DLC1: variants seen among roughly 807,000 people sequenced by gnomAD.
DLC1 encodes the protein rho GTPase-activating protein 7.
A neutral mutation model predicts 140.3 loss-of-function variants in DLC1; 54 were observed. The ratio of observed to expected loss-of-function variants is 0.38; its 90% CI spans 0.31 to 0.48. DLC1 has a LOEUF of 0.48. Among genes scored for constraint, DLC1 ranks in the 20% least tolerant of loss-of-function variants. The pLI is 0.96. For synonymous variants in DLC1, 986 were observed against 728.1 expected (o/e 1.35, Z -5.70); for missense variants, 2,536 against 1,907.0 (o/e 1.33, Z -6.14).
At chr8:13,533,156 C>CA (rs910870346) in intron 1 of DLC1, among the ~76,000 whole-genome samples, 34 of 151,646 alleles carry the variant, frequency 2.2e-4, no homozygotes, top group African/African-American at 8.2e-4. Context: ...AACAAACAGT[C>CA]AAAAAAATTA....
intron 2 of DLC1, among the ~76,000 whole-genome samples, chr8:13,472,130 C>G (rs1203205665): frequency 1.3e-5 from 2 of 152,124 alleles, no homozygotes; most frequent in Non-Finnish European, 1.5e-5. Context: ...GCAATTTTCT[C>G]AAATAACAAG....
rs552843388 is a variant in DLC1, at chr8:13,602,277, TCAAA to T, written c.-126+2256_-126+2259del. Among the ~76,000 whole-genome samples, 610 of 151,926 alleles carry T rather than the reference TCAAA, an allele frequency of 4.0e-3. 1 individual carries two copies. The highest frequency in any genetic ancestry group is 0.014 in the African/African-American group (572 of 41,530). On this transcript the variant is annotated intron_variant, in intron 1 of 1. Transcript: ENST00000631382. ...GAAGAACTTTTAGACTAAAAGAATC[TCAAA>T]CAATCAATCAACTGCCATGTGTAGG...
At chr8:13,494,449 C>G (rs1801407463) in intron 2 of DLC1, among the ~76,000 whole-genome samples, 1 of 152,154 alleles carries the variant, frequency 6.6e-6, no homozygotes. Flanking sequence ...GCGATCACCC[C>G]TGTAGCCTTT....
chr8:13,578,325 A>T (rs1414740421), intron 1 of DLC1, among the ~76,000 whole-genome samples: 1 of 152,158 alleles, frequency 6.6e-6, no homozygotes, highest in African/African-American at 2.4e-5. Context: ...ATTCTGAAGG[A>T]AAAAACAAAC....
intron 2 of DLC1, among the ~76,000 whole-genome samples, chr8:13,449,300 G>T (rs1200259836): frequency 6.6e-5 from 10 of 152,120 alleles, no homozygotes; most frequent in Admixed American, 6.6e-4. Flanking sequence ...AGAAATGGAG[G>T]GAACATTTGT....
intron 1 of DLC1, among the ~76,000 whole-genome samples, chr8:13,537,648 C>CTT (rs3066420): frequency 0.014 from 1,284 of 90,234 alleles, 3 homozygotes; most frequent in Non-Finnish European, 0.018. Context: ...ACAGCTAACT[C>CTT]TTTTTTTTTT....
intron 2 of DLC1, among the ~76,000 whole-genome samples, chr8:13,489,190 G>C (rs1036672317): frequency 1.3e-5 from 2 of 151,882 alleles, no homozygotes; most frequent in African/African-American, 4.8e-5. Context: ...CAGGTGATCT[G>C]CCTGCTTTGG....
intron 5 of DLC1, among the ~76,000 whole-genome samples, chr8:13,235,211 T>C (rs1248528400): frequency 6.6e-6 from 1 of 152,094 alleles, no homozygotes; most frequent in African/African-American, 2.4e-5. Context: ...CTTTTACTTC[T>C]ATTTGGCAGG....
intron 2 of DLC1, among the ~76,000 whole-genome samples, chr8:13,408,047 A>T (rs567739726): frequency 6.6e-6 from 1 of 152,316 alleles, no homozygotes; most frequent in East Asian, 1.9e-4. Flanking sequence ...AGCTAACGAT[A>T]ATGTAATTAT....
chr8:13,097,505 C>A (rs1354989872), intron 10 of DLC1, among the ~76,000 whole-genome samples: 1 of 152,034 alleles, frequency 6.6e-6, no homozygotes, highest in East Asian at 1.9e-4. Context: ...GTCATGTGAT[C>A]CACCTATGTC....
chr8:13,231,108 G>T (rs1585965137), intron 5 of DLC1, among the ~76,000 whole-genome samples: 1 of 152,154 alleles, frequency 6.6e-6, no homozygotes, highest in Non-Finnish European at 1.5e-5. Flanking sequence ...AGTGGGGCCT[G>T]GTCTGTTGCA....
At chr8:13,478,472 T>C (rs931034714) in intron 2 of DLC1, among the ~76,000 whole-genome samples, 1 of 152,212 alleles carries the variant, frequency 6.6e-6, no homozygotes, top group Non-Finnish European at 1.5e-5. Flanking sequence ...ATTCTTCACC[T>C]TCTCTCCTGT....
intron 5 of DLC1, among the ~76,000 whole-genome samples, chr8:13,145,772 A>T (rs577882412): frequency 1.1e-3 from 161 of 152,358 alleles, no homozygotes; most frequent in Non-Finnish European, 1.9e-3. Flanking sequence ...CTAAAAATAA[A>T]GAGCTTACAT....
At chr8:13,309,479 G>A (rs534945469) in intron 4 of DLC1, among the ~76,000 whole-genome samples, 3 of 152,168 alleles carry the variant, frequency 2.0e-5, no homozygotes, top group East Asian at 1.9e-4. Context: ...TAATACAATC[G>A]AATTTTTAAA....
At chr8:13,419,297 T>A (rs981950723) in intron 2 of DLC1, among the ~76,000 whole-genome samples, 3 of 151,982 alleles carry the variant, frequency 2.0e-5, no homozygotes, top group African/African-American at 4.8e-5. Flanking sequence ...TGTGCCAGTT[T>A]TCAAAGGGAA....
At chr8:13,557,630 T>C (rs2117373177) in intron 1 of DLC1, 1 of 152,348 alleles carries the variant, frequency 6.6e-6, no homozygotes, top group Non-Finnish European at 1.5e-5. Flanking sequence ...GTTCTCGCAC[T>C]TACTTCCTCC....
chr8:13,443,184 T>G (rs1585116147), intron 2 of DLC1, among the ~76,000 whole-genome samples: 1 of 120,514 alleles, frequency 8.3e-6, no homozygotes, highest in South Asian at 2.6e-4. Flanking sequence ...AAGGGAAACA[T>G]CAGACACTGG....
chr8:13,344,417 C>T (rs545827288), intron 4 of DLC1, among the ~76,000 whole-genome samples: 4 of 152,260 alleles, frequency 2.6e-5, no homozygotes, highest in East Asian at 3.9e-4. Flanking sequence ...AGCTTGAACC[C>T]GGGAGGTGGA....
intron 7 of DLC1, among the ~76,000 whole-genome samples, chr8:13,103,722 C>G (rs969378793): frequency 1.3e-5 from 2 of 151,642 alleles, no homozygotes; most frequent in Non-Finnish European, 2.9e-5. Flanking sequence ...GCCTGTAATG[C>G]CAGCTACTCG....
Sources: gnomAD v4.1 joint callset for allele counts (sites outside exome capture counted in the v4.1 genomes callset) on GRCh38, gnomAD v4.1.1 for gene constraint, MANE v1.5 for transcripts, NCBI Gene and HGNC (gene_info 2026-07-23, HGNC 2026-07-21) for gene names.